Variants in MTUS1 observed in about 807,000 individuals in gnomAD.
MTUS1 encodes microtubule-associated tumor suppressor 1.
Under a neutral mutation model 120.8 loss-of-function variants are expected in MTUS1, and 109 were observed. The observed-to-expected ratio is 0.90, with a 90% CI of 0.77 to 1.06. The LOEUF is 1.06. Ranked by LOEUF, MTUS1 falls within the 50% of genes least tolerant of loss-of-function variation. The pLI is 0.00. For missense variants in MTUS1, 2,210 were observed against 1,486.3 expected, an observed-to-expected ratio of 1.49 and a Z score of -8.01; for synonymous variants, 737 against 550.5, an observed-to-expected ratio of 1.34 and a Z score of -4.74.
chr8:17,800,440 T>C (rs1490998377), intron 1 of MTUS1, among the ~76,000 whole-genome samples: 2 of 152,202 alleles, frequency 1.3e-5, no homozygotes, highest in African/African-American at 4.8e-5. Flanking sequence ...CTACGCAGGC[T>C]AAATGAATTA....
At chr8:17,753,364 T>C (rs1351727125) in intron 2 of MTUS1, among the ~76,000 whole-genome samples, 4 of 152,218 alleles carry the variant, frequency 2.6e-5, no homozygotes, top group Non-Finnish European at 5.9e-5. Context: ...CATTTTAAAG[T>C]TGACAACCCA....
At position 17,782,156 on chromosome 8, in the gene MTUS1, AT is replaced by A. The variant is rs1214675855; in HGVS notation, c.-155+18904del. Among the ~76,000 whole-genome samples, 40 of 152,184 alleles carry A rather than the reference AT, an allele frequency of 2.6e-4. 1 individual carries two copies. Among genetic ancestry groups the A allele is most frequent in the South Asian group, 1.2e-3 (6 of 4,816 alleles). The stretch of plus-strand genomic sequence containing the variant: ...AAATTTCAAACAACTCAATGATGGG[AT>A]TTTTTTCCCCCCTTAAATGTCATGT... On this transcript the variant is annotated intron_variant, in intron 1 of 14. Coordinates refer to ENST00000693296, the MANE Select transcript of MTUS1 (RefSeq NM_001363059.2).
At chr8:17,793,397 G>C (rs2051960614) in intron 1 of MTUS1, among the ~76,000 whole-genome samples, 1 of 152,132 alleles carries the variant, frequency 6.6e-6, no homozygotes, top group Admixed American at 6.6e-5. Flanking sequence ...GAGGGCAAGA[G>C]GAGAGGGCAA....
chr8:17,719,589 C>G (rs778850555), intron 4 of MTUS1, among the ~76,000 whole-genome samples: 20 of 152,112 alleles, frequency 1.3e-4, no homozygotes, highest in Admixed American at 5.9e-4. Flanking sequence ...CCTAATGAAT[C>G]TACCGCCTGT....
rs145553551 is a variant in MTUS1, at chr8:17,786,129, G to C, written c.-155+14932C>G. Among the ~76,000 whole-genome samples, 716 of 152,178 alleles carry C rather than the reference G, an allele frequency of 4.7e-3. 5 individuals carry two copies. Among genetic ancestry groups the C allele is most frequent in the African/African-American group, 0.016 (684 of 41,496 alleles). ...CACTCCAGCCTGGGTGACAGAGCGA[G>C]ACCCCATCTCTGGAAAAAACAAACA... On this transcript the variant is annotated intron_variant, in intron 1 of 14. Coordinates refer to ENST00000693296, the MANE Select transcript of MTUS1 (RefSeq NM_001363059.2).
chr8:17,761,189 T>G (rs28505478), intron 1 of MTUS1, among the ~76,000 whole-genome samples: 3,288 of 152,244 alleles, frequency 0.022, 111 homozygotes, highest in African/African-American at 0.075. Context: ...GTCAAAGAAC[T>G]ACTAGTACAA....
chr8:17,700,936 T>A (rs982046442), intron 6 of MTUS1, among the ~76,000 whole-genome samples: 2 of 152,196 alleles, frequency 1.3e-5, no homozygotes, highest in Non-Finnish European at 2.9e-5. Flanking sequence ...TGCATAGAAA[T>A]GTGTTTTTTT....
chr8:17,716,267 G>C (rs1822310221), intron 4 of MTUS1, among the ~76,000 whole-genome samples: 1 of 152,158 alleles, frequency 6.6e-6, no homozygotes, highest in Non-Finnish European at 1.5e-5. Context: ...ATGGGGACAA[G>C]GAAGAATTCG....
intron 1 of MTUS1, among the ~76,000 whole-genome samples, chr8:17,762,092 C>G (rs1277495418): frequency 3.9e-5 from 6 of 152,074 alleles, no homozygotes; most frequent in Admixed American, 3.9e-4. Context: ...CCAGCCTAGC[C>G]AACATGGTGA....
At chr8:17,739,597 T>C (rs1287842130) in intron 3 of MTUS1, among the ~76,000 whole-genome samples, 4 of 152,226 alleles carry the variant, frequency 2.6e-5, no homozygotes, top group African/African-American at 9.6e-5. Flanking sequence ...CATCACTGGC[T>C]GGTCTGAATC....
chr8:17,776,141 G>C (rs536062398), intron 1 of MTUS1, among the ~76,000 whole-genome samples: 18 of 150,630 alleles, frequency 1.2e-4, no homozygotes, highest in African/African-American at 4.4e-4. Flanking sequence ...ACATAGTCGG[G>C]AGAAAAAAAA....
At chr8:17,790,935 C>A (rs1189974818) in intron 1 of MTUS1, among the ~76,000 whole-genome samples, 1 of 151,988 alleles carries the variant, frequency 6.6e-6, no homozygotes, top group East Asian at 1.9e-4. Context: ...TGCAGTCAGC[C>A]GGATCGTACC....
At chr8:17,681,607 G>C (rs990862432) in intron 7 of MTUS1, 1 of 154,756 alleles carries the variant, frequency 6.5e-6, no homozygotes, top group African/African-American at 2.4e-5. Context: ...AGTAACTGTA[G>C]CTTTTGGCAT....
intron 6 of MTUS1, among the ~76,000 whole-genome samples, chr8:17,701,383 GA>G (rs1169392829): frequency 2.6e-5 from 4 of 152,076 alleles, no homozygotes; most frequent in African/African-American, 9.7e-5. Context: ...AAAGCAATTA[GA>G]AAAACAATCA....
At chr8:17,673,384 G>C (rs181669674) in intron 8 of MTUS1, among the ~76,000 whole-genome samples, 3 of 152,300 alleles carry the variant, frequency 2.0e-5, no homozygotes, top group African/African-American at 7.2e-5. Context: ...GTCTTGGCTA[G>C]GTATTAAGAA....
chr8:17,709,996 G>C (rs897063190), intron 6 of MTUS1, among the ~76,000 whole-genome samples: 1 of 140,272 alleles, frequency 7.1e-6, no homozygotes, highest in Non-Finnish European at 1.6e-5. Flanking sequence ...GACAGAGCAA[G>C]ACTCTGTCTC....
At chr8:17,653,531 A>G (rs1807515806) in intron 10 of MTUS1, 33 bp from the exon 11 acceptor site, 1 of 1,486,096 alleles carries the variant, frequency 6.7e-7, no homozygotes, top group Non-Finnish European at 9.4e-7. Context: ...TTGAGGCAAT[A>G]ACATTCTATG....
At chr8:17,760,371 G>C (rs1211544617) in intron 1 of MTUS1, among the ~76,000 whole-genome samples, 2 of 152,082 alleles carry the variant, frequency 1.3e-5, no homozygotes, top group East Asian at 1.9e-4. Flanking sequence ...TAAAAAAATA[G>C]TGGTACAGGG....
At chr8:17,663,776 A>G (rs1200589455) in intron 8 of MTUS1, among the ~76,000 whole-genome samples, 1 of 152,008 alleles carries the variant, frequency 6.6e-6, no homozygotes, top group Non-Finnish European at 1.5e-5. Flanking sequence ...TTGTATTTTT[A>G]GTGGAGACAG....
Sources: allele counts gnomAD v4.1 joint callset (sites outside exome capture counted in the v4.1 genomes callset), GRCh38; gene constraint gnomAD v4.1.1; transcripts MANE v1.5; gene names NCBI Gene and HGNC (gene_info 2026-07-23, HGNC 2026-07-21).